Variants in GDF1 observed in about 807,000 individuals in gnomAD.
GDF1 encodes embryonic growth/differentiation factor 1.
In GDF1, 8 loss-of-function variants were observed where a neutral mutation model predicts 7.4. The observed-to-expected ratio is 1.09, with a 90% CI of 0.64 to 1.96. The LOEUF is 1.96. Among genes scored for constraint, GDF1 ranks in the 30% most tolerant of loss-of-function variants. The pLI, the probability that GDF1 is intolerant of heterozygous loss-of-function variation, is 0.00. For synonymous variants in GDF1, 311 were observed against 276.7 expected (o/e 1.12, Z -1.23); for missense variants, 574 against 551.5 (o/e 1.04, Z -0.41).
At chr19:18,879,656 T>G (rs2056149517) in intron 4 of GDF1, among the ~76,000 whole-genome samples, 1 of 72,620 alleles carries the variant, frequency 1.4e-5, no homozygotes. Flanking sequence ...CCCTTCCCAG[T>G]CCCTCCCCTT....
In GDF1 at chr19:18,870,597, C is replaced by T; in HGVS notation, c.-290G>A. 1 of 587,546 alleles carries T rather than the reference C, an allele frequency of 1.7e-6. No homozygotes were observed. Among genetic ancestry groups the T allele is most frequent in the Non-Finnish European group, 3.1e-6 (1 of 324,356 alleles). The allele number at this position is 587,546 out of a possible 1,614,324, so 36.4% of individuals were successfully genotyped here. On this transcript the variant is annotated 5_prime_UTR_variant, in exon 7 of 8. The change creates a new upstream start codon in the 5' untranslated region. Coordinates refer to ENST00000247005, the MANE Select transcript of GDF1 (RefSeq NM_001492.6). The surrounding 1 kb of genome is among the most constrained non-coding windows in gnomAD (Gnocchi z 5.1). ...GGGGTTCAGAAGCGCTTGTCCTTCA[C>T]CAGGCCGTTCCTCAGTGGCTTCCTG...
At chr19:18,872,929 C>T (rs1056735873) in intron 6 of GDF1, among the ~76,000 whole-genome samples, 3 of 152,190 alleles carry the variant, frequency 2.0e-5, no homozygotes, top group South Asian at 2.1e-4. Flanking sequence ...GATTTATGGG[C>T]GTGAGCCACC....
At chr19:18,893,281 C>A in intron 2 of GDF1, 135 bp downstream of exon 2, 1 of 956,960 alleles carries the variant, frequency 1.0e-6, no homozygotes, top group South Asian at 1.7e-5. Context: ...GTGGCGTGCT[C>A]ATAGCTCCCC....
intron 3 of GDF1, among the ~76,000 whole-genome samples, chr19:18,881,450 C>T (rs762095080): frequency 1.3e-5 from 2 of 151,546 alleles, no homozygotes; most frequent in Non-Finnish European, 2.9e-5. Flanking sequence ...GAATTCCCAA[C>T]CTCATGTGAC....
intron 4 of GDF1, 138 bp from the exon 5 acceptor site, chr19:18,879,526 C>T (rs1478826374): frequency 7.5e-6 from 8 of 1,059,724 alleles, no homozygotes; most frequent in Admixed American, 2.5e-5. Flanking sequence ...TCTACTACTG[C>T]TCTGTCCTTC....
chr19:18,885,510 C>CTT (rs1568302620), intron 2 of GDF1, among the ~76,000 whole-genome samples: 1 of 29,506 alleles, frequency 3.4e-5, no homozygotes, highest in African/African-American at 1.1e-4. Flanking sequence ...CGCCCCTTCT[C>CTT]GTTTTTTTTT....
intron 6 of GDF1, among the ~76,000 whole-genome samples, chr19:18,874,288 T>C (rs4808866): frequency 0.89 from 136,016 of 152,172 alleles, 60,848 homozygotes; most frequent in Admixed American, 0.91. Flanking sequence ...CAGATGTAGG[T>C]GCTGAAGTTC....
At position 18,879,042 on chromosome 19, in the gene GDF1, G is replaced by A; in HGVS notation, c.-422-3C>T. 6.2e-7 allele frequency: 1 copy of A among 1,613,192 alleles called. No individual in the cohort carries two copies. Among genetic ancestry groups the A allele is most frequent in the Non-Finnish European group, 8.5e-7 (1 of 1,179,784 alleles). ...TTGGCTGCAAACGCCACGATGTACT[G>A]CGAGAGGGGAGGGGAGGTGCCAGTG... On this transcript the variant is annotated splice_polypyrimidine_tract_variant and splice_region_variant and intron_variant, in intron 5 of 7. Transcript: ENST00000247005.
At chr19:18,893,327 GCTTC>G in intron 2 of GDF1, 85 bp downstream of exon 2, 1 of 1,424,042 alleles carries the variant, frequency 7.0e-7, no homozygotes, top group Non-Finnish European at 9.5e-7. Context: ...TGATCCTCCT[GCTTC>G]TGCCTCATGA....
In GDF1 at chr19:18,895,806, G is replaced by A; in HGVS notation, c.-1074+18C>T. The A allele has an allele frequency of 1.6e-6, 2 of 1,223,218 alleles. No homozygotes were observed. Among genetic ancestry groups the A allele is most frequent in the Non-Finnish European group, 2.1e-6 (2 of 973,152 alleles). 75.8% of individuals were successfully genotyped at this position (1,223,218 alleles called of 1,614,324 possible). ...CCCAGTCCGGGGTCCCCTCGTCCCG[G>A]CCCCCGGCCACACTGACCCGAAAGA... is the stretch of plus-strand genomic sequence containing the variant. On this transcript the variant is annotated intron_variant, in intron 1 of 7. Transcript: ENST00000247005. This position sits in a 1 kb window ranked among gnomAD's most constrained non-coding sequence, Gnocchi z 6.4.
At chr19:18,893,061 C>A (rs1285803424) in intron 2 of GDF1, among the ~76,000 whole-genome samples, 1 of 151,888 alleles carries the variant, frequency 6.6e-6, no homozygotes, top group South Asian at 2.1e-4. Flanking sequence ...GGATTACAGG[C>A]GCCCACCACA....
At chr19:18,883,372 A>G (rs1464996000) in intron 3 of GDF1, 1 of 152,182 alleles carries the variant, frequency 6.6e-6, no homozygotes, top group Non-Finnish European at 1.5e-5. Context: ...TTCAATATGG[A>G]GTCGAGATAA....
At chr19:18,880,527 C>A (rs2056178888) in intron 3 of GDF1, 92 bp from the exon 4 acceptor site, 6 of 1,291,418 alleles carry the variant, frequency 4.6e-6, no homozygotes, top group Non-Finnish European at 6.3e-6. Flanking sequence ...CTGGGCTACA[C>A]CTCAGGCTCC....
At chr19:18,888,435 T>C (rs1282750912) in intron 2 of GDF1, among the ~76,000 whole-genome samples, 5 of 147,760 alleles carry the variant, frequency 3.4e-5, no homozygotes, top group African/African-American at 1.3e-4. Flanking sequence ...GGAGAATCCC[T>C]TGAACCCAGG....
intron 5 of GDF1, 71 bp from the exon 6 acceptor site, chr19:18,879,110 C>G (rs534280834): frequency 6.3e-7 from 1 of 1,588,454 alleles, no homozygotes; most frequent in African/African-American, 1.3e-5. Flanking sequence ...CAGCCATGTG[C>G]TCCTGTCCCG....
Position 18,880,416 on chromosome 19 carries a change from G to C in GDF1, c.-713C>G, listed in dbSNP as rs866186539. 6 of 1,589,338 alleles carry C rather than the reference G, an allele frequency of 3.8e-6. No individual in the cohort carries two copies. Among genetic ancestry groups the C allele is most frequent in the South Asian group, 1.1e-5 (1 of 87,370 alleles). On this transcript the variant is annotated 5_prime_UTR_variant, in exon 4 of 8. Transcript: ENST00000247005. ...CTGATATCGTGCAGGAAGAGCACAA[G>C]GATGCCCACATTGTGGTACCTGGGG...
Position 18,870,380 on chromosome 19 carries a change from C to A in GDF1, c.-73G>T. The A allele has an allele frequency of 6.6e-7, 1 of 1,508,948 alleles. No individual in the cohort carries two copies. 93.5% of individuals were successfully genotyped at this position (1,508,948 alleles called of 1,614,324 possible). On this transcript the variant is annotated 5_prime_UTR_variant, in exon 7 of 8. Transcript: ENST00000247005. This position sits in a 1 kb window ranked among gnomAD's most constrained non-coding sequence, Gnocchi z 5.1. ...CGGGACCAGTGGGCTGAGGGCGGGGCCGGTGTCCCCGGAGGGGCAGGGGTC... is the reference window on the plus strand; with the variant it reads ...CGGGACCAGTGGGCTGAGGGCGGGGACGGTGTCCCCGGAGGGGCAGGGGTC...
At chr19:18,873,937 G>C (rs565946852) in intron 6 of GDF1, among the ~76,000 whole-genome samples, 206 of 152,194 alleles carry the variant, frequency 1.4e-3, no homozygotes, top group South Asian at 0.013. Context: ...CTTCGGGATG[G>C]GGGGAGGAAG....
rs947598714 is a variant in GDF1 at position 18,870,326 on chromosome 19, C to G, written c.-19G>C. 6.5e-7 allele frequency: 1 copy of G among 1,544,656 alleles called. No homozygotes were observed. Among genetic ancestry groups the G allele is most frequent in the African/African-American group, 1.4e-5 (1 of 72,846 alleles). On this transcript the variant is annotated 5_prime_UTR_variant, in exon 7 of 8. Transcript: ENST00000247005. This position sits in a 1 kb window ranked among gnomAD's most constrained non-coding sequence, Gnocchi z 5.1. The stretch of plus-strand genomic sequence containing the variant: ...GTGGCATCTTCCTCCCAGGCGATGA[C>G]CAGAGAGTGCGCAGGGTCCGCGGCG...
Sources: allele counts gnomAD v4.1 joint callset (sites outside exome capture counted in the v4.1 genomes callset), GRCh38; gene constraint gnomAD v4.1.1; non-coding constraint Gnocchi (gnomAD v3.1); transcripts MANE v1.5; gene names NCBI Gene and HGNC (gene_info 2026-07-23, HGNC 2026-07-21).